Variants in DDX19A observed in about 807,000 individuals in gnomAD.
The protein encoded by DDX19A is ATP-dependent RNA helicase DDX19A.
Under a neutral mutation model 60.6 loss-of-function variants are expected in DDX19A, and 12 were observed. The ratio of observed to expected loss-of-function variants is 0.20; its 90% CI spans 0.13 to 0.32. The LOEUF (loss-of-function observed/expected upper bound fraction) is 0.32, where lower values mean the gene tolerates loss of function less well. Among genes scored for constraint, DDX19A ranks in the 10% least tolerant of loss-of-function variants. DDX19A has a pLI of 1.00. For missense variants in DDX19A, 337 were observed against 600.6 expected, an observed-to-expected ratio of 0.56 and a Z score of 4.59; for synonymous variants, 206 against 218.2, an observed-to-expected ratio of 0.94 and a Z score of 0.49.
chr16:70,359,851 C>G (rs1025480878), intron 4 of DDX19A, among the ~76,000 whole-genome samples: 2 of 152,090 alleles, frequency 1.3e-5, no homozygotes, highest in Non-Finnish European at 2.9e-5. Context: ...GAACGTCTCT[C>G]AGAAAGAAGT....
chr16:70,364,704 C>T, intron 6 of DDX19A, 59 bp downstream of exon 6: 2 of 1,291,556 alleles, frequency 1.5e-6, no homozygotes, highest in South Asian at 1.2e-5. Context: ...GCAGTGCCAT[C>T]TGGTGAGGAG....
At chr16:70,365,802 T>G in intron 7 of DDX19A, 1 of 486,340 alleles carries the variant, frequency 2.1e-6, no homozygotes, top group Non-Finnish European at 3.7e-6. Context: ...TAAATAAACA[T>G]AAAAAGAGTT....
At position 70,356,203 on chromosome 16, in the gene DDX19A, A is replaced by C; in HGVS notation, c.249A>C (p.Pro83=). The C allele has an allele frequency of 1.9e-6, 3 of 1,614,118 alleles. No individual in the cohort carries two copies. Among genetic ancestry groups the C allele is most frequent in the South Asian group, 1.1e-5 (1 of 91,082 alleles). Reference sequence around the variant, plus strand: ...AAGTGGAAGTCCTGCAACGGGATCCAAACTCCCCTCTGTACTCGGTGAAGT... The same window carrying C: ...AAGTGGAAGTCCTGCAACGGGATCCCAACTCCCCTCTGTACTCGGTGAAGT... ...TNQVEVLQRD[P]NSPLYSVKSF... is the part of the protein sequence containing the mutation. Residue 83 remains proline (P), a synonymous_variant, in exon 4 of 12, where the codon CCA becomes CCC. Transcript: ENST00000302243.
intron 1 of DDX19A, among the ~76,000 whole-genome samples, chr16:70,349,209 T>C (rs7200034): frequency 0.075 from 11,433 of 152,198 alleles, 1,362 homozygotes; most frequent in African/African-American, 0.26. Context: ...TATCTCCCAA[T>C]GGAGTCCACA....
chr16:70,371,312 T>C (rs1232122534), intron 10 of DDX19A, 60 bp from the exon 11 acceptor site: 2 of 1,614,038 alleles, frequency 1.2e-6, no homozygotes, highest in Admixed American at 1.7e-5. Flanking sequence ...TACCTATGGA[T>C]GACAGTGATT....
At position 70,367,102 on chromosome 16, in the gene DDX19A, A is replaced by G. The variant is rs77377344; in HGVS notation, c.1020+241A>G. The stretch of plus-strand genomic sequence containing the variant: ...ATGATGTATTGTTGCACAACCCAAG[A>G]GAATCAACTCATATTTGTAAGAAAA... On this transcript the variant is annotated intron_variant, in intron 9 of 11. Coordinates refer to ENST00000302243, the MANE Select transcript of DDX19A (RefSeq NM_018332.5). 8.7e-4 allele frequency among the ~76,000 whole-genome samples: 133 copies of G among 152,270 alleles called. 5 individuals are homozygous for G. The East Asian group carries it at 0.017, about 19-fold the overall frequency.
chr16:70,371,154 C>T, intron 10 of DDX19A: 1 of 757,600 alleles, frequency 1.3e-6, no homozygotes, highest in Non-Finnish European at 2.1e-6. Flanking sequence ...GGATTACCGA[C>T]TGATCTCATG....
At position 70,349,630 on chromosome 16, in the gene DDX19A, A is replaced by G. The variant is rs536000533; in HGVS notation, c.58-927A>G. Among the ~76,000 whole-genome samples, 38 of 152,342 alleles carry G rather than the reference A, an allele frequency of 2.5e-4. 2 individuals are homozygous for G. In the South Asian group the frequency reaches 7.9e-3, roughly 32 times the overall value. Reference sequence around the variant, plus strand: ...TCAGGAGAAGGAGCAGGTCAGAGGTATAAAACTGGCAGTTTCCACAAAGAA... The same window carrying G: ...TCAGGAGAAGGAGCAGGTCAGAGGTGTAAAACTGGCAGTTTCCACAAAGAA... On this transcript the variant is annotated intron_variant, in intron 1 of 11. Coordinates refer to ENST00000302243, the MANE Select transcript of DDX19A (RefSeq NM_018332.5).
At chr16:70,364,777 C>A in intron 6 of DDX19A, 132 bp downstream of exon 6, 1 of 732,752 alleles carries the variant, frequency 1.4e-6, no homozygotes, top group Non-Finnish European at 2.3e-6. Context: ...AGTTCCTACA[C>A]CAGGCCCTGA....
Position 70,350,531 on chromosome 16 carries a change from C to G in DDX19A, c.58-26C>G, listed in dbSNP as rs80229424. 460 of 1,594,402 alleles carry G rather than the reference C, an allele frequency of 2.9e-4. 7 individuals carry two copies. In the South Asian group the frequency reaches 5.1e-3, roughly 18 times the overall value. ...TCCTTTTATTGGGTCCTTTGCTTAA[C>G]TCTGTTTTCTTTTATTTCTATTCAG... On this transcript the variant is annotated intron_variant, in intron 1 of 11. Transcript: ENST00000302243.
chr16:70,350,492 TTTC>T, intron 1 of DDX19A, 62 bp from the exon 2 acceptor site: 1 of 1,317,058 alleles, frequency 7.6e-7, no homozygotes, highest in Non-Finnish European at 1.1e-6. Flanking sequence ...AAGTTTTTCT[TTTC>T]TTAGGGACCT....
At chr16:70,355,136 G>C (rs1964142544) in intron 2 of DDX19A, among the ~76,000 whole-genome samples, 1 of 152,204 alleles carries the variant, frequency 6.6e-6, no homozygotes, top group Non-Finnish European at 1.5e-5. Context: ...ACTTTGGGAG[G>C]CCAAGGTGGG....
intron 1 of DDX19A, among the ~76,000 whole-genome samples, chr16:70,348,651 A>T (rs74930432): frequency 7.1e-6 from 1 of 141,300 alleles, no homozygotes; most frequent in Non-Finnish European, 1.5e-5. Flanking sequence ...AAAAAAAAAG[A>T]GGTGAAGGCT....
intron 9 of DDX19A, among the ~76,000 whole-genome samples, chr16:70,367,297 G>A (rs190538659): frequency 3.3e-5 from 5 of 151,960 alleles, no homozygotes; most frequent in East Asian, 1.9e-4. Flanking sequence ...GCGTGGTGGC[G>A]GGCGCTTGTA....
intron 4 of DDX19A, among the ~76,000 whole-genome samples, chr16:70,356,636 G>C (rs1047024814): frequency 1.3e-5 from 2 of 152,024 alleles, no homozygotes; most frequent in African/African-American, 4.8e-5. Context: ...GGGATTACAG[G>C]CGTGAGCCAC....
chr16:70,369,550 G>A (rs1597542969), intron 9 of DDX19A, among the ~76,000 whole-genome samples: 1 of 151,304 alleles, frequency 6.6e-6, no homozygotes, highest in African/African-American at 2.4e-5. Context: ...GGTTATAGGC[G>A]TGAGCCACCG....
intron 11 of DDX19A, 22 bp from the exon 12 acceptor site, chr16:70,371,903 G>A: frequency 6.2e-7 from 1 of 1,613,996 alleles, no homozygotes; most frequent in Non-Finnish European, 8.5e-7. Flanking sequence ...GCAGGGTAGA[G>A]ACTTGTGTAT....
chr16:70,366,071 C>T lies in DDX19A; in HGVS notation c.605-14C>T. On this transcript the variant is annotated splice_polypyrimidine_tract_variant and intron_variant, in intron 7 of 11. Transcript: ENST00000302243. ...CCTTTGAAATACCTATGAAAATCAC[C>T]TGGGTCTCCACAGTGGAAAGAGGCC... is the stretch of plus-strand genomic sequence containing the variant. 6.2e-7 allele frequency: 1 copy of T among 1,614,160 alleles called. No homozygotes were observed. Among genetic ancestry groups the T allele is most frequent in the South Asian group, 1.1e-5 (1 of 91,084 alleles).
At chr16:70,364,217 T>A (rs182414755) in intron 5 of DDX19A, 122 of 205,688 alleles carry the variant, frequency 5.9e-4, no homozygotes, top group African/African-American at 2.7e-3. Flanking sequence ...ATTGCTGGGG[T>A]CTTGTCTGGG....
Sources: allele counts gnomAD v4.1 joint callset (sites outside exome capture counted in the v4.1 genomes callset), GRCh38; gene constraint gnomAD v4.1.1; transcripts MANE v1.5; gene names NCBI Gene and HGNC (gene_info 2026-07-23, HGNC 2026-07-21).